The following GPHN variants were observed in gnomAD, a reference collection of about 807,000 sequenced individuals.
GPHN encodes gephyrin.
GPHN carries 17 observed loss-of-function variants against 95.5 expected under a neutral mutation model. The observed-to-expected ratio is 0.18, with a 90% confidence interval of 0.12 to 0.27. GPHN has a LOEUF of 0.27. Ranked by LOEUF, GPHN falls within the 10% of genes least tolerant of loss-of-function variation. GPHN has a pLI of 1.00. For missense variants in GPHN, 660 were observed against 978.1 expected, an observed-to-expected ratio of 0.67 and a Z score of 4.34; for synonymous variants, 320 against 322.5, an observed-to-expected ratio of 0.99 and a Z score of 0.08.
At chr14:67,665,310 G>A in the GPHN span, among the ~76,000 whole-genome samples, 2 of 148,832 alleles carry the variant, frequency 1.3e-5, no homozygotes, top group South Asian at 4.2e-4. Context: ...GAGTGAAGTG[G>A]CATGATTACG....
intron 18 of GPHN, among the ~76,000 whole-genome samples, chr14:67,147,358 C>T (rs778017760): frequency 6.6e-5 from 10 of 152,292 alleles, no homozygotes; most frequent in Admixed American, 3.9e-4. Context: ...AGCCTTCAGG[C>T]AAGCACCAGA....
the GPHN span, among the ~76,000 whole-genome samples, chr14:67,665,902 T>C: frequency 4.8e-4 from 73 of 152,330 alleles, no homozygotes; most frequent in Middle Eastern, 6.8e-3. Context: ...GGTATGACTC[T>C]TGACCATCTA....
the GPHN span, among the ~76,000 whole-genome samples, chr14:67,500,067 C>G: frequency 6.6e-6 from 1 of 152,270 alleles, no homozygotes; most frequent in Non-Finnish European, 1.5e-5. Context: ...GGTACAGAGT[C>G]TCTGCCCGTA....
At chr14:67,203,240 C>G in the GPHN span, 2 of 1,611,644 alleles carry the variant, frequency 1.2e-6, no homozygotes, top group South Asian at 2.2e-5. Flanking sequence ...ATACAGAAAC[C>G]CTGTTTAAAA....
the GPHN span, among the ~76,000 whole-genome samples, chr14:67,513,606 C>T: frequency 6.6e-6 from 1 of 152,198 alleles, no homozygotes. Context: ...TCTCAGCACA[C>T]CCCTGAGCAA....
chr14:67,310,827 ATCTG>A, the GPHN span, among the ~76,000 whole-genome samples: 26 of 152,062 alleles, frequency 1.7e-4, no homozygotes, highest in African/African-American at 3.9e-4. Context: ...AAAGCCATTT[ATCTG>A]TCTATCTATC....
the GPHN span, chr14:67,515,508 C>T: frequency 3.2e-5 from 5 of 155,750 alleles, no homozygotes; most frequent in South Asian, 1.7e-4. Context: ...CCCTGCCGCC[C>T]GGCTTAACTC....
chr14:67,090,226 C>T (rs1197618105), intron 12 of GPHN, among the ~76,000 whole-genome samples: 1 of 151,942 alleles, frequency 6.6e-6, no homozygotes, highest in Non-Finnish European at 1.5e-5. Context: ...TATGGAGTCT[C>T]TTACTTGGTT....
intron 5 of GPHN, among the ~76,000 whole-genome samples, chr14:66,881,578 C>T (rs538918794): frequency 6.7e-4 from 102 of 151,918 alleles, no homozygotes; most frequent in African/African-American, 2.3e-3. Flanking sequence ...AGAAATGGTC[C>T]TCTCCTTAAG....
chr14:66,659,354 G>C (rs997994847), intron 1 of GPHN, among the ~76,000 whole-genome samples: 1 of 151,874 alleles, frequency 6.6e-6, no homozygotes, highest in African/African-American at 2.4e-5. Context: ...TTTCTTTTAA[G>C]ATACAGAACA....
At chr14:67,343,493 G>T in the GPHN span, 1 of 1,236,138 alleles carries the variant, frequency 8.1e-7, no homozygotes, top group Non-Finnish European at 1.2e-6. Context: ...ATCATTCCCT[G>T]ATCACTTGAC....
chr14:67,278,775 A>G, the GPHN span, among the ~76,000 whole-genome samples: 1 of 151,902 alleles, frequency 6.6e-6, no homozygotes, highest in Non-Finnish European at 1.5e-5. Flanking sequence ...ATTGTATATC[A>G]TTTTTCTTAG....
intron 1 of GPHN, among the ~76,000 whole-genome samples, chr14:66,558,552 T>C (rs926618819): frequency 6.6e-6 from 1 of 152,094 alleles, no homozygotes; most frequent in Admixed American, 6.6e-5. Context: ...AATAAGTCTT[T>C]AATGTGCTCT....
intron 10 of GPHN, among the ~76,000 whole-genome samples, chr14:67,034,696 C>G (rs2074336629): frequency 1.3e-5 from 2 of 152,012 alleles, no homozygotes; most frequent in Admixed American, 1.3e-4. Flanking sequence ...TCACAAGAGA[C>G]AAAGAAGAAT....
the GPHN span, among the ~76,000 whole-genome samples, chr14:67,268,343 G>C: frequency 2.0e-4 from 30 of 152,310 alleles, no homozygotes; most frequent in African/African-American, 6.7e-4. Flanking sequence ...TTACCCGAAG[G>C]GGGTCCCGAT....
chr14:67,392,912 C>A, the GPHN span: 1 of 1,375,600 alleles, frequency 7.3e-7, no homozygotes, highest in Non-Finnish European at 1.0e-6. Flanking sequence ...GGTGTGTGGC[C>A]AATGACCTCA....
chr14:66,568,135 T>G (rs1016715328), intron 1 of GPHN, among the ~76,000 whole-genome samples: 2 of 152,238 alleles, frequency 1.3e-5, no homozygotes, highest in Admixed American at 1.3e-4. Context: ...TGAGAATAAC[T>G]AATTTATTTT....
intron 2 of GPHN, among the ~76,000 whole-genome samples, chr14:66,713,103 T>C (rs1325560742): frequency 6.6e-6 from 1 of 152,216 alleles, no homozygotes; most frequent in Non-Finnish European, 1.5e-5. Context: ...CTCTGTGGGT[T>C]GTCTGTTTAC....
intron 2 of GPHN, among the ~76,000 whole-genome samples, chr14:66,755,332 G>A (rs1160689801): frequency 6.6e-6 from 1 of 152,070 alleles, no homozygotes; most frequent in African/African-American, 2.4e-5. Context: ...GGTTTTAAAT[G>A]AAGCTTGCTG....
Sources: allele counts gnomAD v4.1 joint callset (sites outside exome capture counted in the v4.1 genomes callset), GRCh38; gene constraint gnomAD v4.1.1; transcripts MANE v1.5; gene names NCBI Gene and HGNC (gene_info 2026-07-23, HGNC 2026-07-21).